The following INTS10 variants were observed in gnomAD, a reference collection of about 807,000 sequenced individuals.
INTS10 encodes the protein integrator complex subunit 10, also known as chromosome 8 open reading frame 35.
INTS10 carries 44 observed loss-of-function variants against 94.4 expected under a neutral mutation model. The observed-to-expected ratio is 0.47, with a 90% confidence interval of 0.37 to 0.60. INTS10 has a LOEUF of 0.60. INTS10 is among the 20% of genes least tolerant of loss of function. The probability of loss-of-function intolerance (pLI) is 0.00; values close to 1 mark genes in which losing one functional copy is unlikely to be tolerated. For missense variants in INTS10, 797 were observed against 868.7 expected, an observed-to-expected ratio of 0.92 and a Z score of 1.04; for synonymous variants, 341 against 320.7, an observed-to-expected ratio of 1.06 and a Z score of -0.68.
intron 9 of INTS10, 59 bp downstream of exon 9, chr8:19,826,618 TC>T: frequency 6.7e-7 from 1 of 1,499,990 alleles, no homozygotes; most frequent in East Asian, 2.3e-5. Flanking sequence ...TAGAGATGAA[TC>T]TTTGTAAAAT....
chr8:19,841,589 A>T lies in INTS10; in HGVS notation c.1640-1259A>T, dbSNP rs374333955. On this transcript the variant is annotated intron_variant, in intron 13 of 16. Coordinates refer to ENST00000397977, the MANE Select transcript of INTS10 (RefSeq NM_018142.4). ...TTCTCAACCTTTTGTCATATGGGCAATTCAGAATAAAACAATAAACTACCA... is the reference window on the plus strand; with the variant it reads ...TTCTCAACCTTTTGTCATATGGGCATTTCAGAATAAAACAATAAACTACCA... Among the ~76,000 whole-genome samples the T allele has an allele frequency of 2.6e-5, 4 of 152,210 alleles. No individual in the cohort carries two copies. The East Asian group carries it at 7.7e-4, about 29-fold the overall frequency.
chr8:19,841,817 T>C (rs2068151794), intron 13 of INTS10: 1 of 455,956 alleles, frequency 2.2e-6, no homozygotes, highest in Admixed American at 2.4e-5. Flanking sequence ...CTGTGAGTTT[T>C]CATTTACAGG....
chr8:19,848,257 T>A (rs1167018481), intron 16 of INTS10, among the ~76,000 whole-genome samples: 1 of 152,104 alleles, frequency 6.6e-6, no homozygotes, highest in Non-Finnish European at 1.5e-5. Context: ...TTGTGAGCAG[T>A]GTACACTTCT....
chr8:19,839,339 C>T (rs755205597), intron 13 of INTS10, among the ~76,000 whole-genome samples: 5 of 152,130 alleles, frequency 3.3e-5, no homozygotes, highest in Non-Finnish European at 7.4e-5. Flanking sequence ...AGATTCTAGG[C>T]AGTACAGCAG....
intron 9 of INTS10, among the ~76,000 whole-genome samples, chr8:19,828,418 C>G (rs1056717823): frequency 1.3e-5 from 2 of 152,200 alleles, no homozygotes; most frequent in Non-Finnish European, 2.9e-5. Flanking sequence ...GGACAGGCCT[C>G]TCCTGTGGGC....
At chr8:19,822,227 C>T (rs1265884089) in intron 4 of INTS10, 1 of 391,674 alleles carries the variant, frequency 2.6e-6, no homozygotes. Flanking sequence ...ATAACCAAGA[C>T]AGAGTGGTCA....
rs146777067 is a variant in INTS10 at position 19,843,567 on chromosome 8, G to A, written c.1720-509G>A. Among the ~76,000 whole-genome samples the A allele has an allele frequency of 2.6e-5, 4 of 152,200 alleles. No homozygotes were observed. The highest frequency in any genetic ancestry group is 4.4e-5 in the Non-Finnish European group (3 of 68,010). Reference sequence around the variant, plus strand: ...TTAAAGTGTGATTTTATGCATAACCGCTCATTTGAAACAAAAACTGTTTTG... The same window carrying A: ...TTAAAGTGTGATTTTATGCATAACCACTCATTTGAAACAAAAACTGTTTTG... On this transcript the variant is annotated intron_variant, in intron 14 of 16. Transcript: ENST00000397977. This position sits in a 1 kb window ranked among gnomAD's most constrained non-coding sequence, Gnocchi z 4.7.
At chr8:19,827,747 C>A (rs80239041) in intron 9 of INTS10, among the ~76,000 whole-genome samples, 16,083 of 152,162 alleles carry the variant, frequency 0.11, 998 homozygotes, top group Middle Eastern at 0.24. Context: ...TGCGGAATTT[C>A]CATCCATTTT....
At chr8:19,828,036 C>A (rs1254572260) in intron 9 of INTS10, among the ~76,000 whole-genome samples, 2 of 151,666 alleles carry the variant, frequency 1.3e-5, no homozygotes, top group Non-Finnish European at 2.9e-5. Flanking sequence ...TAGTGAGACC[C>A]CGTCTCTATA....
At chr8:19,830,350 C>T in intron 9 of INTS10, 56 bp from the exon 10 acceptor site, 3 of 1,466,830 alleles carry the variant, frequency 2.0e-6, no homozygotes, top group South Asian at 1.3e-5. Context: ...AATATGTTTC[C>T]ATATATGACT....
At chr8:19,818,138 TA>T in intron 1 of INTS10, 136 bp from the exon 2 acceptor site, 1 of 814,000 alleles carries the variant, frequency 1.2e-6, no homozygotes, top group East Asian at 2.4e-5. Context: ...GTCTGCCATG[TA>T]TGTGGCGCTG....
At chr8:19,838,741 G>C (rs759340459) in intron 13 of INTS10, among the ~76,000 whole-genome samples, 1 of 152,114 alleles carries the variant, frequency 6.6e-6, no homozygotes, top group Admixed American at 6.6e-5. Context: ...AATATATTAT[G>C]ACCAGGTATA....
intron 13 of INTS10, among the ~76,000 whole-genome samples, chr8:19,840,110 A>T (rs796514546): frequency 8.6e-5 from 13 of 151,498 alleles, no homozygotes; most frequent in African/African-American, 2.9e-4. Context: ...GTTTTAGTGT[A>T]TAAAAAATCA....
chr8:19,820,451 C>T lies in INTS10; in HGVS notation c.374C>T (p.Thr125Met), dbSNP rs762988127. 6.8e-6 allele frequency: 11 copies of T among 1,613,314 alleles called. No homozygotes were observed. In the East Asian group the frequency reaches 1.8e-4, roughly 26 times the overall value. The change falls in exon 4 of 17, where the codon ACG becomes ATG. Residue 125 changes from threonine to methionine, a missense_variant. Physicochemically the swap from Thr to Met is moderately conservative, Grantham distance 81. Around this residue, in one of 3 missense-constraint regions of INTS10, gnomAD observed 734 missense variants for 787.8 expected, o/e 0.93. Coordinates refer to ENST00000397977, the MANE Select transcript of INTS10 (RefSeq NM_018142.4). Reference sequence around the variant, plus strand: ...AAGGTCACGGAACAATGCTTCAACACGTTAGAACGATCAGAAATGTTGCTT... The same window carrying T: ...AAGGTCACGGAACAATGCTTCAACATGTTAGAACGATCAGAAATGTTGCTT... Reference protein sequence around the residue: ...LLKVTEQCFNTLERSEMLLLL... With the variant: ...LLKVTEQCFNMLERSEMLLLL...
chr8:19,842,738 C>A, intron 13 of INTS10, 110 bp from the exon 14 acceptor site: 1 of 630,538 alleles, frequency 1.6e-6, no homozygotes, highest in Non-Finnish European at 2.8e-6. Context: ...GTGACTGTTG[C>A]ATATTCTCTT....
At position 19,842,852 on chromosome 8, in the gene INTS10, G is replaced by T; in HGVS notation, c.1644G>T (p.Ser548=). ...SKVKPKFRKG[S]DLKLLPCTSK... ...AACATTGTGGACTTCTGTTAGGTTC[G>T]GATCTGAAGCTCCTGCCTTGTACCA... Residue 548 remains serine (S), a synonymous_variant, in exon 14 of 17, where the codon TCG becomes TCT. Coordinates refer to ENST00000397977, the MANE Select transcript of INTS10 (RefSeq NM_018142.4). 6.2e-7 allele frequency: 1 copy of T among 1,605,380 alleles called. No homozygotes were observed. Among genetic ancestry groups the T allele is most frequent in the South Asian group, 1.1e-5 (1 of 90,754 alleles).
chr8:19,838,410 T>A (rs940428577), intron 13 of INTS10, among the ~76,000 whole-genome samples: 1 of 152,034 alleles, frequency 6.6e-6, no homozygotes, highest in Non-Finnish European at 1.5e-5. Flanking sequence ...AATAAATAAA[T>A]CAGAATGTTC....
chr8:19,822,573 T>C (rs1235022566), intron 5 of INTS10, 53 bp downstream of exon 5: 1 of 1,125,286 alleles, frequency 8.9e-7, no homozygotes, highest in Non-Finnish European at 1.3e-6. Flanking sequence ...TATGCTGGGG[T>C]AAGTGTTGGT....
intron 16 of INTS10, among the ~76,000 whole-genome samples, chr8:19,848,604 T>C (rs1321641762): frequency 6.6e-6 from 1 of 152,180 alleles, no homozygotes; most frequent in Non-Finnish European, 1.5e-5. Flanking sequence ...TCCCGGACTC[T>C]TATTTTCCCC....
Sources: allele counts gnomAD v4.1 joint callset (sites outside exome capture counted in the v4.1 genomes callset), GRCh38; gene constraint gnomAD v4.1.1; regional missense constraint gnomAD v4.1.1; non-coding constraint Gnocchi (gnomAD v3.1); transcripts MANE v1.5; gene names NCBI Gene and HGNC (gene_info 2026-07-23, HGNC 2026-07-21).